Variants in ZNF394 observed in about 807,000 individuals in gnomAD.
The protein encoded by ZNF394 is zinc finger protein 99.
ZNF394 carries 19 observed loss-of-function variants against 21.8 expected under a neutral mutation model. That is an observed-to-expected ratio of 0.87 (90% CI 0.61 to 1.28). The LOEUF (loss-of-function observed/expected upper bound fraction) is 1.28. Ranked by LOEUF, ZNF394 falls within the 50% of genes most tolerant of loss-of-function variation. The pLI, the probability that ZNF394 is intolerant of heterozygous loss-of-function variation, is 0.00. For synonymous variants in ZNF394, 294 were observed against 273.3 expected, an observed-to-expected ratio of 1.08 and a Z score of -0.75; for missense variants, 683 against 708.6, an observed-to-expected ratio of 0.96 and a Z score of 0.41.
rs1006881492 is a variant in ZNF394 at position 99,500,107 on chromosome 7, G to A, written c.-14C>T. On this transcript the variant is annotated 5_prime_UTR_variant, in exon 1 of 3. Transcript: ENST00000337673. ...GCTGGAATTCATCTTTCTCCGGCAT[G>A]TGCTGCCCTTCCTGGAGTCTTCTTT... 1 of 1,529,706 alleles carries A rather than the reference G, an allele frequency of 6.5e-7. No individual in the cohort carries two copies. Among genetic ancestry groups the A allele is most frequent in the South Asian group, 1.3e-5 (1 of 79,766 alleles). 94.8% of individuals were successfully genotyped at this position (1,529,706 alleles called of 1,614,324 possible).
chr7:99,497,135 T>TATAC (rs2151083635), intron 2 of ZNF394, among the ~76,000 whole-genome samples: 1 of 132,332 alleles, frequency 7.6e-6, no homozygotes, highest in African/African-American at 3.3e-5. Flanking sequence ...TATATATATA[T>TATAC]ATATATGTAT....
intron 1 of ZNF394, chr7:99,487,285 C>T: frequency 1.2e-6 from 2 of 1,614,192 alleles, no homozygotes; most frequent in Non-Finnish European, 8.5e-7. Context: ...TCTCATTCAG[C>T]ATCAAAGAAT....
At chr7:99,487,505 G>A (rs759229660) in intron 1 of ZNF394, 2 of 1,596,262 alleles carry the variant, frequency 1.3e-6, no homozygotes, top group Non-Finnish European at 1.7e-6. Context: ...TTGGAAAGCA[G>A]TCATTGGAGA....
chr7:99,490,000 G>GTTTTT (rs1562891318), downstream of ZNF394, among the ~76,000 whole-genome samples: 1 of 151,018 alleles, frequency 6.6e-6, no homozygotes, highest in Non-Finnish European at 1.5e-5. Context: ...GTGAGACCCC[G>GTTTTT]TGTCAAAAAA....
chr7:99,498,810 A>G lies in ZNF394; in HGVS notation c.489T>C (p.Ser163=), dbSNP rs770823100. Residue 163 remains serine, a synonymous_variant, in exon 2 of 3, where the codon TCT becomes TCC. Coordinates refer to ENST00000337673, the MANE Select transcript of ZNF394 (RefSeq NM_032164.4). ...GGCGCTCCCACTCCTCCCAGGTTAG[A>G]GACACAGCCGTGTCCTCGAAAGTCA... The part of the protein sequence containing the change: ...GMVTFEDTAV[S]LTWEEWERLD... The G allele has an allele frequency of 6.2e-7, 1 of 1,613,996 alleles. No homozygotes were observed. The highest frequency in any genetic ancestry group is 1.1e-5 in the South Asian group (1 of 91,074).
At chr7:99,490,140 CCTCAT>C (rs1345550997), downstream of ZNF394, among the ~76,000 whole-genome samples, 13 of 148,738 alleles carry the variant, frequency 8.7e-5, no homozygotes, top group African/African-American at 3.0e-4. Context: ...CATGGCAAAA[CCTCAT>C]CTTTTTTTTT....
rs149676042 is a variant in ZNF394 at position 99,494,551 on chromosome 7, G to A, written c.664C>T (p.Gln222Ter). ...GGGCGCTTCCCCTGGAACGCTTCTT[G>A]TAGTTGCCCCTGTGGCTCCGCTTCT... ...LEEAEPQGQLQEAFQGKRPLF... is the reference protein window; with the variant it reads ...LEEAEPQGQL The change falls in exon 3 of 3, where the codon CAA becomes TAA. Residue 222 changes from glutamine to a stop codon, truncating the protein, a stop_gained. Coordinates refer to ENST00000337673, the MANE Select transcript of ZNF394 (RefSeq NM_032164.4). LOFTEE classifies it low-confidence loss of function (END_TRUNC). 1.8e-5 allele frequency: 29 copies of A among 1,612,880 alleles called. No individual in the cohort carries two copies. Among genetic ancestry groups the A allele is most frequent in the Admixed American group, 8.4e-5 (5 of 59,804 alleles).
At chr7:99,496,710 C>T (rs996221373) in intron 2 of ZNF394, among the ~76,000 whole-genome samples, 8 of 151,910 alleles carry the variant, frequency 5.3e-5, no homozygotes, top group East Asian at 1.9e-4. Flanking sequence ...CTATCACGCC[C>T]GGCCAAAATG....
rs199879746 is a variant in ZNF394, at chr7:99,496,741, AT to A, written c.583+1974del. On this transcript the variant is annotated intron_variant, in intron 2 of 2. Transcript: ENST00000337673. ...AAATGTATTACTATTTTTTTTATTA[AT>A]TTTTTTTTTTAAAGAGATGGGGTCT... 5.0e-3 allele frequency among the ~76,000 whole-genome samples: 728 copies of A among 146,252 alleles called. 6 individuals carry two copies. Among genetic ancestry groups the A allele is most frequent in the African/African-American group, 0.016 (652 of 39,830 alleles).
chr7:99,499,670 G>A lies in ZNF394; in HGVS notation c.424C>T (p.Leu142=), dbSNP rs755826798. The A allele has an allele frequency of 2.5e-6, 4 of 1,608,094 alleles. 1 individual carries two copies. The highest frequency in any genetic ancestry group is 1.7e-6 in the Non-Finnish European group (2 of 1,178,516). Residue 142 remains leucine (L), a synonymous_variant, in exon 1 of 3, where the codon CTG becomes TTG. Coordinates refer to ENST00000337673, the MANE Select transcript of ZNF394 (RefSeq NM_032164.4). ...GEEAVAVVRA[L]QRALDGTSSQ... ...GAGGTTCCATCGAGCGCTCGCTGCA[G>A]AGCCCGCACCACGGCCACCGCCTCC... is the stretch of plus-strand genomic sequence containing the variant.
Position 99,494,212 on chromosome 7 carries a change from C to T in ZNF394, c.1003G>A (p.Asp335Asn), listed in dbSNP as rs1800231217. ...GAATGATGGAAACTGTCTCCACTGT[C>T]AGACTTGTGAGGTTTCAGCACGTGC... The part of the protein sequence containing the change: ...TWHVLKPHKS[D>N]SGDSFHHSSL... Residue 335 changes from aspartate (D) to asparagine (N), a missense_variant, in exon 3 of 3, where the codon GAC becomes AAC. Physicochemically the swap from Asp to Asn is conservative, Grantham distance 23. Transcript: ENST00000337673. 1 of 1,614,258 alleles carries T rather than the reference C, an allele frequency of 6.2e-7. No individual in the cohort carries two copies. The highest frequency in any genetic ancestry group is 1.7e-5 in the Admixed American group (1 of 60,018).
Position 99,494,627 on chromosome 7 carries a change from C to T in ZNF394, c.588G>A (p.Leu196=), listed in dbSNP as rs1352001934. 1 of 1,577,220 alleles carries T rather than the reference C, an allele frequency of 6.3e-7. No homozygotes were observed. Among genetic ancestry groups the T allele is most frequent in the Non-Finnish European group, 8.6e-7 (1 of 1,164,630 alleles). ...KDSGSTVPPS[L]ESRVENKELI... ...ACTCTTTGTTCTCCACTCTGCTTTCCAAACCTGAAACGTGAAAATACAAAT... is the reference window on the plus strand; with the variant it reads ...ACTCTTTGTTCTCCACTCTGCTTTCTAAACCTGAAACGTGAAAATACAAAT... Residue 196 remains leucine (L), a synonymous_variant, in exon 3 of 3, where the codon TTG becomes TTA. Coordinates refer to ENST00000337673, the MANE Select transcript of ZNF394 (RefSeq NM_032164.4).
intron 1 of ZNF394, chr7:99,487,600 A>T (rs1384567293): frequency 2.3e-6 from 3 of 1,290,866 alleles, no homozygotes; most frequent in African/African-American, 1.5e-5. Context: ...GGGTTTTTCT[A>T]TGGGAGCCAT....
At chr7:99,487,308 G>A in intron 1 of ZNF394, 1 of 1,614,196 alleles carries the variant, frequency 6.2e-7, no homozygotes, top group Non-Finnish European at 8.5e-7. Context: ...ATACAAAGGA[G>A]GAATTCTTTC....
Position 99,500,186 on chromosome 7 carries a change from G to C in ZNF394, c.-93C>G. 1.5e-6 allele frequency: 2 copies of C among 1,318,214 alleles called. No individual in the cohort carries two copies. The highest frequency in any genetic ancestry group is 2.0e-6 in the Non-Finnish European group (2 of 984,954). The allele number at this position is 1,318,214 out of a possible 1,614,324, so 81.7% of individuals were successfully genotyped here. On this transcript the variant is annotated 5_prime_UTR_variant, in exon 1 of 3. Coordinates refer to ENST00000337673, the MANE Select transcript of ZNF394 (RefSeq NM_032164.4). ...ACTCATCAGCCGTCAACACCCTCCGGTCCCAAACACCGGGCCCCACCACAC... is the reference window on the plus strand; with the variant it reads ...ACTCATCAGCCGTCAACACCCTCCGCTCCCAAACACCGGGCCCCACCACAC...
At chr7:99,487,532 C>CTCTA (rs763631484) in intron 1 of ZNF394, 4 of 1,561,108 alleles carry the variant, frequency 2.6e-6, no homozygotes, top group Non-Finnish European at 3.5e-6. Context: ...ACTTATAAAC[C>CTCTA]TCTACTTCAA....
downstream of ZNF394, among the ~76,000 whole-genome samples, chr7:99,489,478 A>C (rs1239950569): frequency 1.3e-5 from 2 of 151,936 alleles, no homozygotes; most frequent in African/African-American, 4.8e-5. Context: ...ATAAACACCA[A>C]ATTCTCCATC....
intron 2 of ZNF394, among the ~76,000 whole-genome samples, chr7:99,496,572 G>T (rs1424184417): frequency 6.6e-6 from 1 of 151,178 alleles, no homozygotes; most frequent in East Asian, 2.0e-4. Context: ...GGCATCAGAG[G>T]TCCGGCTAAT....
chr7:99,487,550 T>C (rs1382112550), intron 1 of ZNF394: 1 of 1,524,428 alleles, frequency 6.6e-7, no homozygotes, highest in African/African-American at 1.4e-5. Flanking sequence ...CAAGTGTGTA[T>C]CACGTAATTG....
Sources: allele counts gnomAD v4.1 joint callset (sites outside exome capture counted in the v4.1 genomes callset), GRCh38; gene constraint gnomAD v4.1.1; transcripts MANE v1.5; gene names NCBI Gene and HGNC (gene_info 2026-07-23, HGNC 2026-07-21).